The following ADGRG1 variants were observed in gnomAD, a reference collection of about 807,000 sequenced individuals.
The protein encoded by ADGRG1 is 7-transmembrane protein with no EGF-like N-terminal domains-1.
Under a neutral mutation model 73.5 loss-of-function variants are expected in ADGRG1, and 53 were observed. The ratio of observed to expected loss-of-function variants is 0.72; its 90% CI spans 0.58 to 0.91. The LOEUF is 0.91. Among genes scored for constraint, ADGRG1 ranks in the 40% least tolerant of loss-of-function variants. The probability of loss-of-function intolerance (pLI) is 0.00; values close to 1 mark genes in which losing one functional copy is unlikely to be tolerated. For synonymous variants in ADGRG1, 394 were observed against 374.4 expected (o/e 1.05, Z -0.60); for missense variants, 795 against 871.8 (o/e 0.91, Z 1.11).
In ADGRG1 at chr16:57,660,775, C is replaced by T. The variant is rs1443429078; in HGVS notation, c.1563C>T (p.Pro521=). ...LKLSAMGWGF[P]IFLVTLVALV... ...ATGCATTGCCACCCTCAGGCTTCCC[C>T]ATCTTTCTGGTGACGCTGGTGGCCC... Residue 521 remains proline (P), a synonymous_variant, in exon 12 of 14, where the codon CCC becomes CCT. Transcript: ENST00000562631. 2 of 1,608,750 alleles carry T rather than the reference C, an allele frequency of 1.2e-6. No homozygotes were observed. Among genetic ancestry groups the T allele is most frequent in the Non-Finnish European group, 1.7e-6 (2 of 1,175,594 alleles).
chr16:57,654,678 G>A (rs930720230), intron 5 of ADGRG1, among the ~76,000 whole-genome samples: 3 of 152,008 alleles, frequency 2.0e-5, no homozygotes, highest in Non-Finnish European at 4.4e-5. Flanking sequence ...TCAGGAGTTC[G>A]AGACCAGCCT....
chr16:57,654,769 A>G (rs2045198691), intron 5 of ADGRG1, among the ~76,000 whole-genome samples: 1 of 152,072 alleles, frequency 6.6e-6, no homozygotes, highest in African/African-American at 2.4e-5. Flanking sequence ...AATTCCAGCT[A>G]CTCGGGAGGT....
intron 1 of ADGRG1, chr16:57,648,775 A>T (rs1185345348): frequency 1.1e-5 from 10 of 933,104 alleles, no homozygotes; most frequent in Non-Finnish European, 1.3e-5. Flanking sequence ...GTGAGCACCC[A>T]GCTCTGCCAC....
intron 11 of ADGRG1, chr16:57,660,164 A>T (rs2046737719): frequency 1.4e-6 from 1 of 727,012 alleles, no homozygotes; most frequent in Non-Finnish European, 1.7e-6. Context: ...TCAGACCTAC[A>T]GCCCAGGGGC....
intron 1 of ADGRG1, chr16:57,636,128 A>G (rs974441270): frequency 3.0e-6 from 3 of 985,164 alleles, no homozygotes; most frequent in Admixed American, 6.1e-5. Context: ...GGTCTGCAGC[A>G]ATGGGAACGG....
rs760066674 is a variant in ADGRG1, at chr16:57,655,454, A to G, written c.824A>G (p.Gln275Arg). The G allele has an allele frequency of 1.2e-6, 2 of 1,613,852 alleles. No individual in the cohort carries two copies. The highest frequency in any genetic ancestry group is 8.5e-7 in the Non-Finnish European group (1 of 1,180,006). Reference protein sequence around the residue: ...YSVLLPRTLFQRTKGRSGEAE... With the variant: ...YSVLLPRTLFRRTKGRSGEAE... ...GTGCTGCTGCCTCGAACACTCTTCCAGAGGACGAAAGGCCGGAGCGGGGAG... is the reference window on the plus strand; with the variant it reads ...GTGCTGCTGCCTCGAACACTCTTCCGGAGGACGAAAGGCCGGAGCGGGGAG... Residue 275 changes from glutamine (Q) to arginine (R), a missense_variant, in exon 6 of 14, where the codon CAG (glutamine) becomes CGG (arginine). Transcript: ENST00000562631.
chr16:57,634,873 T>C (rs1469735216), intron 1 of ADGRG1: 1 of 704,180 alleles, frequency 1.4e-6, no homozygotes, highest in African/African-American at 1.9e-5. Context: ...CAGGCCATGC[T>C]TGTGGGCAGG....
In ADGRG1 at chr16:57,657,353, C is replaced by T; in HGVS notation, c.1168-20C>T. 6.2e-7 allele frequency: 1 copy of T among 1,613,578 alleles called. No homozygotes were observed. On this transcript the variant is annotated intron_variant, in intron 9 of 13. Coordinates refer to ENST00000562631, the MANE Select transcript of ADGRG1 (RefSeq NM_201525.4). ...TGTGGGGGACACAGAGGCCAGCTCT[C>T]TCCTGTCTCCTGGGGCCAGGTCTCC...
chr16:57,654,265 C>A, intron 5 of ADGRG1, 132 bp downstream of exon 5: 1 of 877,974 alleles, frequency 1.1e-6, no homozygotes, highest in Non-Finnish European at 1.7e-6. Flanking sequence ...AGGTTCCAGG[C>A]CCGAGGATAG....
chr16:57,641,664 C>G (rs780139864), intron 1 of ADGRG1: 40 of 503,216 alleles, frequency 7.9e-5, no homozygotes, highest in Non-Finnish European at 9.9e-5. Context: ...CTCCCGGGTT[C>G]AAGTGATTCT....
intron 12 of ADGRG1, chr16:57,661,400 G>A (rs2047062366): frequency 2.0e-6 from 2 of 985,228 alleles, no homozygotes; most frequent in East Asian, 2.3e-4. Flanking sequence ...CTCCAGCCTG[G>A]GAAGGAATCC....
intron 13 of ADGRG1, among the ~76,000 whole-genome samples, chr16:57,662,691 G>A (rs546195638): frequency 9.3e-4 from 141 of 152,162 alleles, no homozygotes; most frequent in Non-Finnish European, 1.6e-3. Flanking sequence ...AGATGGCGGC[G>A]GGTCGGGGCG....
intron 1 of ADGRG1, chr16:57,646,502 G>C (rs1319490046): frequency 1.0e-6 from 1 of 985,316 alleles, no homozygotes; most frequent in African/African-American, 1.7e-5. Flanking sequence ...CGGAAGGTCT[G>C]AGGTCAAGGG....
At chr16:57,634,884 TG>T in intron 1 of ADGRG1, 2 of 802,932 alleles carry the variant, frequency 2.5e-6, no homozygotes, top group African/African-American at 1.9e-5. Flanking sequence ...TGTGGGCAGG[TG>T]GTGCCTCTAT....
At position 57,651,328 on chromosome 16, in the gene ADGRG1, C is replaced by T. The variant is rs750501835; in HGVS notation, c.193C>T (p.Leu65Phe). 6.2e-7 allele frequency: 1 copy of T among 1,614,240 alleles called. No homozygotes were observed. The highest frequency in any genetic ancestry group is 8.5e-7 in the Non-Finnish European group (1 of 1,180,040). Residue 65 changes from leucine to phenylalanine, a missense_variant, in exon 3 of 14, where the codon CTC (leucine) becomes TTC (phenylalanine). Leu to Phe is a conservative substitution (Grantham distance 22, BLOSUM62 0). Coordinates refer to ENST00000562631, the MANE Select transcript of ADGRG1 (RefSeq NM_201525.4). ...CTCCATCGAGAACTCCGAAGAGGCC[C>T]TCACAGTCCATGCCCCTTTCCCTGC... ...RISIENSEEALTVHAPFPAAH... is the reference protein window; with the variant it reads ...RISIENSEEAFTVHAPFPAAH...
chr16:57,662,367 A>G (rs1215175819), intron 13 of ADGRG1, among the ~76,000 whole-genome samples: 1 of 152,030 alleles, frequency 6.6e-6, no homozygotes, highest in Admixed American at 6.5e-5. Context: ...GCCTCTCTGG[A>G]TATGAGACGT....
chr16:57,633,751 T>C (rs1412204283), intron 1 of ADGRG1, among the ~76,000 whole-genome samples: 1 of 152,228 alleles, frequency 6.6e-6, no homozygotes, highest in Non-Finnish European at 1.5e-5. Context: ...TAATTGCCCC[T>C]TCTGGGCCAT....
chr16:57,659,074 A>G (rs773655686), intron 10 of ADGRG1: 218 of 985,324 alleles, frequency 2.2e-4, no homozygotes, highest in Non-Finnish European at 2.5e-4. Flanking sequence ...TGTGGATGGC[A>G]TGGATTCTCC....
chr16:57,639,097 A>G (rs1433324854), intron 1 of ADGRG1, among the ~76,000 whole-genome samples: 1 of 152,182 alleles, frequency 6.6e-6, no homozygotes, highest in East Asian at 1.9e-4. Flanking sequence ...ATTTGGTTTT[A>G]AAGTCAATGT....
Sources: allele counts gnomAD v4.1 joint callset (sites outside exome capture counted in the v4.1 genomes callset), GRCh38; gene constraint gnomAD v4.1.1; transcripts MANE v1.5; gene names NCBI Gene and HGNC (gene_info 2026-07-23, HGNC 2026-07-21).